The following FSTL4 variants were observed in gnomAD, a reference collection of about 807,000 sequenced individuals.
FSTL4 encodes the protein follistatin like 4.
Under a neutral mutation model 78.2 loss-of-function variants are expected in FSTL4, and 28 were observed. That is an observed-to-expected ratio of 0.36 (90% CI 0.27 to 0.49). FSTL4 has a LOEUF of 0.49. Ranked by LOEUF, FSTL4 falls within the 20% of genes least tolerant of loss-of-function variation. FSTL4 has a pLI of 0.98. For synonymous variants in FSTL4, 422 were observed against 440.5 expected (o/e 0.96, Z 0.53); for missense variants, 922 against 1,084.9 (o/e 0.85, Z 2.11).
rs543648598 is a variant in FSTL4, at chr5:133,380,096, C to A, written c.409+20642G>T. 1.5e-4 allele frequency among the ~76,000 whole-genome samples: 22 copies of A among 151,600 alleles called. No homozygotes were observed. In the East Asian group the frequency reaches 4.3e-3, roughly 29 times the overall value. On this transcript the variant is annotated intron_variant, in intron 4 of 15. Transcript: ENST00000265342. ...AAATAAAATAAAATAAAACAAATTT[C>A]AAATCAATAACCTAATCTTTCACCA...
chr5:133,452,613 T>A (rs1421112700), intron 3 of FSTL4, among the ~76,000 whole-genome samples: 3 of 152,262 alleles, frequency 2.0e-5, no homozygotes, highest in African/African-American at 7.2e-5. Context: ...AGGTAAGTGC[T>A]CGTATTAAAT....
chr5:133,633,203 A>G, the FSTL4 span, among the ~76,000 whole-genome samples: 1 of 152,060 alleles, frequency 6.6e-6, no homozygotes, highest in African/African-American at 2.4e-5. Context: ...GGAAGTTTTC[A>G]ACCATTATTT....
At chr5:133,621,445 T>C in the FSTL4 span, among the ~76,000 whole-genome samples, 2 of 152,008 alleles carry the variant, frequency 1.3e-5, no homozygotes, top group Non-Finnish European at 2.9e-5. Context: ...AAAAAGAGCA[T>C]TTGCAGTGAC....
intron 1 of FSTL4, among the ~76,000 whole-genome samples, chr5:133,606,989 C>T (rs1009919659): frequency 2.0e-5 from 3 of 152,182 alleles, no homozygotes; most frequent in African/African-American, 7.2e-5. Flanking sequence ...AAGCCTGGAG[C>T]TTGGCCTGGA....
At chr5:133,279,937 A>G (rs1216388044) in intron 6 of FSTL4, among the ~76,000 whole-genome samples, 1 of 152,216 alleles carries the variant, frequency 6.6e-6, no homozygotes, top group African/African-American at 2.4e-5. Flanking sequence ...CCCTGTGAAG[A>G]TGGAGGCAGA....
chr5:133,765,409 C>T, the FSTL4 span, among the ~76,000 whole-genome samples: 1,361 of 152,262 alleles, frequency 8.9e-3, 9 homozygotes, highest in Non-Finnish European at 0.015. Context: ...CATGAAGGCA[C>T]CCACCATGGA....
intron 4 of FSTL4, among the ~76,000 whole-genome samples, chr5:133,317,333 GT>G (rs1263954403): frequency 2.6e-5 from 4 of 152,236 alleles, no homozygotes; most frequent in Admixed American, 6.5e-5. Context: ...GCATGGCACA[GT>G]TTATCTTGCT....
the FSTL4 span, among the ~76,000 whole-genome samples, chr5:133,824,629 G>A: frequency 2.6e-5 from 4 of 152,060 alleles, no homozygotes; most frequent in Non-Finnish European, 4.4e-5. Flanking sequence ...AAGAAGACTC[G>A]GGGCGAAGAA....
the FSTL4 span, among the ~76,000 whole-genome samples, chr5:133,744,426 G>A: frequency 3.3e-5 from 5 of 152,284 alleles, no homozygotes; most frequent in Non-Finnish European, 7.4e-5. Flanking sequence ...TGATTCCGTA[G>A]CCCACAGCCC....
At chr5:133,202,111 C>T (rs527541782) in intron 14 of FSTL4, 69 bp from the exon 15 acceptor site, 221 of 979,664 alleles carry the variant, frequency 2.3e-4, no homozygotes, top group African/African-American at 1.2e-3. Flanking sequence ...GACACCTGTA[C>T]GCTCAGGTGG....
intron 3 of FSTL4, among the ~76,000 whole-genome samples, chr5:133,504,482 A>G (rs538477696): frequency 6.6e-6 from 1 of 152,144 alleles, no homozygotes; most frequent in Admixed American, 6.5e-5. Flanking sequence ...ATTTTTTACA[A>G]CAGAATAATC....
intron 4 of FSTL4, among the ~76,000 whole-genome samples, chr5:133,391,059 A>C (rs2126961156): frequency 6.6e-6 from 1 of 152,324 alleles, no homozygotes; most frequent in East Asian, 1.9e-4. Flanking sequence ...AGAGCATGAA[A>C]GTCCTGTCCT....
At chr5:133,680,783 C>T in the FSTL4 span, among the ~76,000 whole-genome samples, 2 of 152,192 alleles carry the variant, frequency 1.3e-5, no homozygotes, top group Admixed American at 1.3e-4. Context: ...TACTGACTGA[C>T]CTCACAACAG....
At chr5:133,684,011 C>T in the FSTL4 span, among the ~76,000 whole-genome samples, 1 of 152,198 alleles carries the variant, frequency 6.6e-6, no homozygotes, top group East Asian at 1.9e-4. Flanking sequence ...GATGGCTATA[C>T]TGCTATCAGG....
At chr5:133,427,394 A>G (rs1231339084) in intron 3 of FSTL4, among the ~76,000 whole-genome samples, 1 of 152,196 alleles carries the variant, frequency 6.6e-6, no homozygotes, top group Non-Finnish European at 1.5e-5. Context: ...TAGAGATATA[A>G]GAGTCCACTT....
rs1018102775 is a variant in FSTL4 at position 133,431,927 on chromosome 5, T to C, written c.161-30941A>G. ...TAGCATTTATTAAGTGCAAGATACA[T>C]TGGAACCATTTTATATAGAAGAACT... On this transcript the variant is annotated intron_variant, in intron 3 of 15. Coordinates refer to ENST00000265342, the MANE Select transcript of FSTL4 (RefSeq NM_015082.2). Among the ~76,000 whole-genome samples, 13 of 152,184 alleles carry C rather than the reference T, an allele frequency of 8.5e-5. No homozygotes were observed. In the East Asian group the frequency reaches 2.5e-3, roughly 29 times the overall value.
the FSTL4 span, among the ~76,000 whole-genome samples, chr5:133,700,857 T>C: frequency 2.1e-4 from 32 of 152,216 alleles, no homozygotes; most frequent in African/African-American, 5.8e-4. Context: ...AAAGAAGTTA[T>C]TCCCGGCCTT....
At chr5:133,756,048 T>G in the FSTL4 span, among the ~76,000 whole-genome samples, 1 of 152,124 alleles carries the variant, frequency 6.6e-6, no homozygotes, top group African/African-American at 2.4e-5. Context: ...TCTAGTGGAA[T>G]ACACAGGCAG....
At chr5:133,484,092 G>A (rs1448079349) in intron 3 of FSTL4, among the ~76,000 whole-genome samples, 1 of 152,148 alleles carries the variant, frequency 6.6e-6, no homozygotes, top group South Asian at 2.1e-4. Flanking sequence ...TAAGTAGGAG[G>A]TCCATATAGA....
Sources: allele counts gnomAD v4.1 joint callset (sites outside exome capture counted in the v4.1 genomes callset), GRCh38; gene constraint gnomAD v4.1.1; transcripts MANE v1.5; gene names NCBI Gene and HGNC (gene_info 2026-07-23, HGNC 2026-07-21).